Variants in SOX6 observed in about 807,000 individuals in gnomAD.
SOX6 encodes transcription factor SOX-6.
A neutral mutation model predicts 97.8 loss-of-function variants in SOX6; 11 were observed. The ratio of observed to expected loss-of-function variants is 0.11; its 90% CI spans 0.07 to 0.19. The LOEUF is 0.19. Ranked by LOEUF, SOX6 falls within the 10% of genes least tolerant of loss-of-function variation. The probability of loss-of-function intolerance (pLI) is 1.00; values close to 1 mark genes in which losing one functional copy is unlikely to be tolerated. For missense variants in SOX6, 810 were observed against 1,039.5 expected (o/e 0.78, Z 3.04); for synonymous variants, 360 against 371.4 (o/e 0.97, Z 0.35).
chr11:16,454,473 G>T (rs1393129742), intron 1 of SOX6, among the ~76,000 whole-genome samples: 3 of 151,982 alleles, frequency 2.0e-5, no homozygotes, highest in Non-Finnish European at 4.4e-5. Context: ...TCTGTACTAG[G>T]AAAGGTAATG....
At chr11:16,450,429 T>G (rs1859695613) in intron 1 of SOX6, among the ~76,000 whole-genome samples, 1 of 152,200 alleles carries the variant, frequency 6.6e-6, no homozygotes, top group Non-Finnish European at 1.5e-5. Flanking sequence ...TTATGGATAA[T>G]GGGGAAAATA....
At chr11:16,317,553 G>A (rs1361817773) in intron 3 of SOX6, 1 of 155,058 alleles carries the variant, frequency 6.4e-6, no homozygotes, top group Non-Finnish European at 1.4e-5. Flanking sequence ...AGGGAAGCAT[G>A]CAATATATTT....
intron 3 of SOX6, among the ~76,000 whole-genome samples, chr11:16,250,412 T>C (rs998240220): frequency 4.6e-5 from 7 of 152,084 alleles, no homozygotes; most frequent in Non-Finnish European, 1.0e-4. Flanking sequence ...GGACTAAGCA[T>C]GACATATTAA....
At chr11:16,698,710 G>T (rs1386717772) in intron 3 of SOX6, among the ~76,000 whole-genome samples, 1 of 152,102 alleles carries the variant, frequency 6.6e-6, no homozygotes, top group East Asian at 1.9e-4. Flanking sequence ...TTATTAATTG[G>T]CCTAATTTCA....
chr11:16,427,397 GT>G (rs1859166847), intron 1 of SOX6, among the ~76,000 whole-genome samples: 1 of 150,604 alleles, frequency 6.6e-6, no homozygotes, highest in East Asian at 2.0e-4. Context: ...TGTTACATAT[GT>G]ATACATGTGC....
intron 4 of SOX6, among the ~76,000 whole-genome samples, chr11:16,525,727 T>C (rs1861148337): frequency 6.6e-6 from 1 of 151,824 alleles, no homozygotes; most frequent in South Asian, 2.1e-4. Context: ...TTTCGCAACC[T>C]ACTCATCTGA....
intron 3 of SOX6, among the ~76,000 whole-genome samples, chr11:16,701,492 T>C (rs1207562458): frequency 1.3e-5 from 2 of 152,040 alleles, no homozygotes; most frequent in South Asian, 2.1e-4. Context: ...ATGTTCATGG[T>C]TTAAATAGAA....
intron 15 of SOX6, among the ~76,000 whole-genome samples, chr11:15,978,016 A>G (rs1853541234): frequency 6.6e-6 from 1 of 152,032 alleles, no homozygotes; most frequent in African/African-American, 2.4e-5. Flanking sequence ...TCATAATCCA[A>G]TATAAGGCTA....
chr11:16,422,423 T>C (rs1859037661), intron 1 of SOX6, among the ~76,000 whole-genome samples: 1 of 152,148 alleles, frequency 6.6e-6, no homozygotes, highest in Non-Finnish European at 1.5e-5. Context: ...AACCTCAGAC[T>C]ACAGATAGGA....
intron 14 of SOX6, among the ~76,000 whole-genome samples, chr11:15,987,071 A>G (rs1255582516): frequency 6.6e-6 from 1 of 152,230 alleles, no homozygotes; most frequent in Non-Finnish European, 1.5e-5. Context: ...AAATTTTAAT[A>G]CGGTTTATAC....
chr11:16,655,806 G>A (rs893852993), intron 3 of SOX6, among the ~76,000 whole-genome samples: 3 of 151,800 alleles, frequency 2.0e-5, no homozygotes, highest in Admixed American at 6.6e-5. Flanking sequence ...TCAGTTCCTC[G>A]ATTATGCCTA....
intron 7 of SOX6, among the ~76,000 whole-genome samples, chr11:16,109,872 T>C (rs901204263): frequency 6.6e-6 from 1 of 152,136 alleles, no homozygotes; most frequent in Non-Finnish European, 1.5e-5. Context: ...CAAAACCCAT[T>C]GTCCTGCCTT....
chr11:16,164,849 A>AAAGT (rs1200361092), intron 6 of SOX6, among the ~76,000 whole-genome samples: 13 of 151,982 alleles, frequency 8.6e-5, no homozygotes, highest in African/African-American at 2.9e-4. Flanking sequence ...AGAAAGAAAG[A>AAAGT]AAAAAGAAAG....
chr11:16,046,184 C>A (rs1252621151), intron 12 of SOX6, among the ~76,000 whole-genome samples: 2 of 152,202 alleles, frequency 1.3e-5, no homozygotes, highest in South Asian at 4.1e-4. Context: ...ATGTGTCTTC[C>A]TTTTTTAATA....
intron 12 of SOX6, among the ~76,000 whole-genome samples, chr11:16,026,233 T>C (rs2133878077): frequency 6.6e-6 from 1 of 152,336 alleles, no homozygotes. Context: ...CAGCACACAT[T>C]GATAAAATCA....
chr11:16,091,821 T>A (rs1389529746), intron 9 of SOX6, among the ~76,000 whole-genome samples: 1 of 152,062 alleles, frequency 6.6e-6, no homozygotes, highest in African/African-American at 2.4e-5. Context: ...TTGACATTTT[T>A]AATTTTCTTA....
At position 16,049,868 on chromosome 11, in the gene SOX6, G is replaced by T. The variant is rs756375984; in HGVS notation, c.1322C>A (p.Thr441Lys). ...PKTAEPVKSPTSPTQNLFPAS... is the reference protein window; with the variant it reads ...PKTAEPVKSPKSPTQNLFPAS... ...TGGGAAGAGGTTCTGGGTGGGAGAC[G>T]TTGGGGACTTTACAGGCTCTGCTGT... The change falls in exon 11 of 16, where the codon ACG (threonine) becomes AAG (lysine). Residue 441 changes from threonine (T) to lysine (K), a missense_variant. This residue lies in a region of SOX6 where 244 missense variants were observed against 261.0 expected (regional missense o/e 0.93). Coordinates refer to ENST00000683767, the MANE Select transcript of SOX6 (RefSeq NM_001367873.1). 25 of 1,613,702 alleles carry T rather than the reference G, an allele frequency of 1.5e-5. No homozygotes were observed. Among genetic ancestry groups the T allele is most frequent in the Non-Finnish European group, 2.1e-5 (25 of 1,179,822 alleles).
intron 9 of SOX6, among the ~76,000 whole-genome samples, chr11:16,058,742 A>G (rs1393354079): frequency 6.6e-6 from 1 of 152,032 alleles, no homozygotes; most frequent in Non-Finnish European, 1.5e-5. Flanking sequence ...CCTGATTTTC[A>G]CCATGGCACA....
intron 3 of SOX6, among the ~76,000 whole-genome samples, chr11:16,678,999 C>G (rs1847905744): frequency 6.6e-6 from 1 of 152,210 alleles, no homozygotes; most frequent in African/African-American, 2.4e-5. Context: ...TCAGCAAGGC[C>G]CACTGCCTCT....
Sources: allele counts gnomAD v4.1 joint callset (sites outside exome capture counted in the v4.1 genomes callset), GRCh38; gene constraint gnomAD v4.1.1; regional missense constraint gnomAD v4.1.1; transcripts MANE v1.5; gene names NCBI Gene and HGNC (gene_info 2026-07-23, HGNC 2026-07-21).